DENND1A: variants seen among roughly 807,000 people sequenced by gnomAD.
DENND1A encodes the protein DENN domain containing 1A, also known as DENN domain-containing protein 1A.
DENND1A carries 51 observed loss-of-function variants against 113.7 expected under a neutral mutation model. The observed-to-expected ratio is 0.45, with a 90% CI of 0.36 to 0.57. The LOEUF (loss-of-function observed/expected upper bound fraction) is 0.57, where lower values mean the gene tolerates loss of function less well. Among genes scored for constraint, DENND1A ranks in the 20% least tolerant of loss-of-function variants. The pLI, the probability that DENND1A is intolerant of heterozygous loss-of-function variation, is 0.00. For synonymous variants in DENND1A, 565 were observed against 570.8 expected, an observed-to-expected ratio of 0.99 and a Z score of 0.14; for missense variants, 1,258 against 1,395.9, an observed-to-expected ratio of 0.90 and a Z score of 1.57.
chr9:123,591,535 G>A (rs925605943), intron 11 of DENND1A, among the ~76,000 whole-genome samples: 1 of 152,242 alleles, frequency 6.6e-6, no homozygotes, highest in East Asian at 1.9e-4. Context: ...TGGAGGTTGT[G>A]TGGTTCAGGG....
intron 13 of DENND1A, 54 bp from the exon 14 acceptor site, chr9:123,457,951 G>T: frequency 4.6e-6 from 6 of 1,318,562 alleles, no homozygotes; most frequent in Non-Finnish European, 6.3e-6. Flanking sequence ...AGAGCCATCA[G>T]TTTTGAAATT....
chr9:123,538,805 CATACATATATATATATATATATATATAT>C (rs2056022975), intron 13 of DENND1A, among the ~76,000 whole-genome samples: 6 of 50,088 alleles, frequency 1.2e-4, no homozygotes, highest in African/African-American at 3.6e-4. Flanking sequence ...GGTGACAACT[CATACATATATATATATATATATATATAT>C]ATATATATAT....
rs1410921099 is a variant in DENND1A, at chr9:123,422,410, T to C, written c.1489-10581A>G. On this transcript the variant is annotated intron_variant, in intron 19 of 23. Transcript: ENST00000394215. The surrounding 1 kb of genome is among the most constrained non-coding windows in gnomAD (Gnocchi z 4.8). ...AAAGCAATAGACTTTTTGAGTGGAA[T>C]GCAAACGTGGAAGCAATGGGAAGCT... Among the ~76,000 whole-genome samples the C allele has an allele frequency of 6.6e-6, 1 of 152,156 alleles. No homozygotes were observed. The highest frequency in any genetic ancestry group is 1.5e-5 in the Non-Finnish European group (1 of 68,034).
Position 123,627,739 on chromosome 9 carries a change from C to CAAA in DENND1A, c.719+2634_719+2636dup, listed in dbSNP as rs764341977. 6.6e-3 allele frequency among the ~76,000 whole-genome samples: 383 copies of CAAA among 57,778 alleles called. 4 individuals are homozygous for CAAA. The highest frequency in any genetic ancestry group is 0.037 in the Middle Eastern group (3 of 82). 37.9% of individuals were successfully genotyped at this position (57,778 alleles called of 152,430 possible). On this transcript the variant is annotated intron_variant, in intron 10 of 23. Transcript: ENST00000394215. ...TGGGCAACAGAGCAAAACTCTGTCT[C>CAAA]AAAAAAAAAAAAAAAAAAAGAGAGA... is the stretch of plus-strand genomic sequence containing the variant.
At chr9:123,391,620 G>A (rs1311495696) in intron 21 of DENND1A, among the ~76,000 whole-genome samples, 1 of 152,038 alleles carries the variant, frequency 6.6e-6, no homozygotes, top group Non-Finnish European at 1.5e-5. Flanking sequence ...TTAATGAAAG[G>A]TGAGGTTTCA....
intron 13 of DENND1A, among the ~76,000 whole-genome samples, chr9:123,551,028 C>G (rs1475540807): frequency 6.6e-6 from 1 of 152,216 alleles, no homozygotes; most frequent in Non-Finnish European, 1.5e-5. Flanking sequence ...GAGCTGGAGC[C>G]TGGGCTGCCG....
Position 123,566,691 on chromosome 9 carries a change from A to T in DENND1A, c.868-8996T>A, listed in dbSNP as rs77598429. On this transcript the variant is annotated intron_variant, in intron 12 of 23. Coordinates refer to ENST00000394215, the MANE Select transcript of DENND1A (RefSeq NM_001352964.2). ...AAAGGCCTGTTTCCACTATCTGCCAAATAAAGCTCAGGAGGAGTCTTGCCC... is the reference window on the plus strand; with the variant it reads ...AAAGGCCTGTTTCCACTATCTGCCATATAAAGCTCAGGAGGAGTCTTGCCC... 4.4e-3 allele frequency among the ~76,000 whole-genome samples: 668 copies of T among 152,248 alleles called. 4 individuals are homozygous for T. Among genetic ancestry groups the T allele is most frequent in the African/African-American group, 0.016 (645 of 41,532 alleles).
At chr9:123,869,671 G>C (rs926574755) in intron 2 of DENND1A, among the ~76,000 whole-genome samples, 1 of 152,166 alleles carries the variant, frequency 6.6e-6, no homozygotes, top group African/African-American at 2.4e-5. Context: ...CATGTCTTTT[G>C]AGTGAGTGGC....
intron 13 of DENND1A, among the ~76,000 whole-genome samples, chr9:123,537,761 A>G (rs894119375): frequency 6.6e-6 from 1 of 152,254 alleles, no homozygotes; most frequent in African/African-American, 2.4e-5. Flanking sequence ...ATGAAGTAAC[A>G]CATTCAAGAT....
chr9:123,693,814 T>TATTATA (rs2065327882), intron 5 of DENND1A, among the ~76,000 whole-genome samples: 1 of 146,384 alleles, frequency 6.8e-6, no homozygotes, highest in African/African-American at 2.5e-5. Flanking sequence ...ATATTATTAT[T>TATTATA]ATTATTATTA....
rs1184016071 is a variant in DENND1A, at chr9:123,381,539, C to T, written c.3106G>A (p.Glu1036Lys). ...SAPQQARDPF[E>K]DLLQKTKQDV... ...TGCTTGGTTTTCTGTAACAAATCCT[C>T]AAAGGGGTCTCTGGCCTGTTGAGGA... The change falls in exon 24 of 24, where the codon GAG becomes AAG. Residue 1036 changes from glutamate (E) to lysine (K), a missense_variant. Transcript: ENST00000394215. This position sits in a 1 kb window ranked among gnomAD's most constrained non-coding sequence, Gnocchi z 4.7. 2 of 1,613,568 alleles carry T rather than the reference C, an allele frequency of 1.2e-6. No homozygotes were observed. Among genetic ancestry groups the T allele is most frequent in the African/African-American group, 1.3e-5 (1 of 74,880 alleles).
chr9:123,664,737 AATTT>A (rs1206621142), intron 8 of DENND1A, among the ~76,000 whole-genome samples: 1 of 152,166 alleles, frequency 6.6e-6, no homozygotes, highest in Admixed American at 6.5e-5. Context: ...ACCTTTAATT[AATTT>A]ATTATTATAG....
intron 4 of DENND1A, among the ~76,000 whole-genome samples, chr9:123,767,253 A>G (rs954630044): frequency 1.3e-5 from 2 of 152,204 alleles, no homozygotes; most frequent in Non-Finnish European, 2.9e-5. Flanking sequence ...GAAAGAAAAT[A>G]TATAGTCCCC....
At chr9:123,401,375 A>G in intron 21 of DENND1A, 1 of 632,822 alleles carries the variant, frequency 1.6e-6, no homozygotes, top group Non-Finnish European at 2.0e-6. Flanking sequence ...GAAGAGGCGT[A>G]GAAAAACACC....
chr9:123,470,904 G>A (rs969482237), intron 13 of DENND1A, among the ~76,000 whole-genome samples: 2 of 152,136 alleles, frequency 1.3e-5, no homozygotes, highest in Non-Finnish European at 1.5e-5. Flanking sequence ...TGTTGAAACG[G>A]GCCTGGTACA....
chr9:123,512,764 G>A (rs191319577), intron 13 of DENND1A, among the ~76,000 whole-genome samples: 38 of 152,368 alleles, frequency 2.5e-4, no homozygotes, highest in African/African-American at 6.5e-4. Flanking sequence ...CAGATTTGGA[G>A]TCAGCAGACA....
chr9:123,882,942 C>T (rs992640854), intron 1 of DENND1A, among the ~76,000 whole-genome samples: 1 of 152,182 alleles, frequency 6.6e-6, no homozygotes, highest in Non-Finnish European at 1.5e-5. Flanking sequence ...CTACAAAGTC[C>T]TACATGATCT....
chr9:123,395,707 C>G (rs1246966413), intron 21 of DENND1A, among the ~76,000 whole-genome samples: 1 of 152,156 alleles, frequency 6.6e-6, no homozygotes, highest in Non-Finnish European at 1.5e-5. Context: ...AGCACAGTTC[C>G]TGGCTCTTAG....
intron 12 of DENND1A, among the ~76,000 whole-genome samples, chr9:123,569,150 T>C (rs2058220650): frequency 1.3e-5 from 2 of 152,100 alleles, no homozygotes; most frequent in African/African-American, 4.8e-5. Context: ...TTACGACAAA[T>C]ATTAAACCCA....
Sources: gnomAD v4.1 joint callset for allele counts (sites outside exome capture counted in the v4.1 genomes callset) on GRCh38, gnomAD v4.1.1 for gene constraint, Gnocchi (gnomAD v3.1) non-coding constraint, MANE v1.5 for transcripts, NCBI Gene and HGNC (gene_info 2026-07-23, HGNC 2026-07-21) for gene names.